The following FRMD5 variants were observed in gnomAD, a reference collection of about 807,000 sequenced individuals.
FRMD5 encodes FERM domain containing 5.
Under a neutral mutation model 69.0 loss-of-function variants are expected in FRMD5, and 20 were observed. The observed-to-expected ratio is 0.29, with a 90% CI of 0.20 to 0.42. The LOEUF (loss-of-function observed/expected upper bound fraction) is 0.42. FRMD5 is among the 10% of genes least tolerant of loss of function. The pLI is 1.00. For synonymous variants in FRMD5, 271 were observed against 260.1 expected, an observed-to-expected ratio of 1.04 and a Z score of -0.40; for missense variants, 595 against 708.6, an observed-to-expected ratio of 0.84 and a Z score of 1.82.
At chr15:44,098,095 A>G (rs2076579479) in intron 1 of FRMD5, among the ~76,000 whole-genome samples, 1 of 144,446 alleles carries the variant, frequency 6.9e-6, no homozygotes. Context: ...CCATGCTCCC[A>G]AAAGTTCAGA....
intron 1 of FRMD5, among the ~76,000 whole-genome samples, chr15:43,984,982 G>GAA (rs10719107): frequency 7.1e-6 from 1 of 141,546 alleles, no homozygotes; most frequent in Non-Finnish European, 1.5e-5. Flanking sequence ...ACTCTGTCTA[G>GAA]AAAAAAAAAA....
chr15:44,103,590 C>G (rs2076672090), intron 1 of FRMD5, among the ~76,000 whole-genome samples: 2 of 152,194 alleles, frequency 1.3e-5, no homozygotes, highest in East Asian at 3.9e-4. Context: ...GGTTTTGGTA[C>G]ATACATAAGG....
chr15:43,918,508 C>A (rs1247832219), intron 4 of FRMD5, among the ~76,000 whole-genome samples: 1 of 152,170 alleles, frequency 6.6e-6, no homozygotes, highest in Non-Finnish European at 1.5e-5. Flanking sequence ...AGTTAAGGAT[C>A]TAGGAGTGGA....
intron 1 of FRMD5, among the ~76,000 whole-genome samples, chr15:44,187,865 G>A (rs2078128613): frequency 6.6e-6 from 1 of 151,990 alleles, no homozygotes; most frequent in African/African-American, 2.4e-5. Context: ...CACAGTGCCT[G>A]GCCCTGCTTT....
intron 1 of FRMD5, among the ~76,000 whole-genome samples, chr15:43,968,177 A>G (rs2090324151): frequency 6.6e-6 from 1 of 152,294 alleles, no homozygotes; most frequent in Non-Finnish European, 1.5e-5. Flanking sequence ...ATAAACTCAC[A>G]ACTAATCTTA....
At position 43,985,280 on chromosome 15, in the gene FRMD5, CAAAAA is replaced by C. The variant is rs34455065; in HGVS notation, c.103-60976_103-60972del. On this transcript the variant is annotated intron_variant, in intron 1 of 13. Transcript: ENST00000417257. ...TGGGCAACAGAGCGAGACTCCGTCT[CAAAAA>C]AAAAAAAAAAAAAAAAAAAGATTGG... Among the ~76,000 whole-genome samples, 10 of 77,258 alleles carry C rather than the reference CAAAAA, an allele frequency of 1.3e-4. No homozygotes were observed. In the Admixed American group the frequency reaches 1.3e-3, roughly 10 times the overall value. The allele number at this position is 77,258 out of a possible 152,430, so 50.7% of individuals were successfully genotyped here. A position where few individuals can be genotyped will look rare whatever the true frequency, so the allele number is the denominator to read the frequency against.
intron 1 of FRMD5, among the ~76,000 whole-genome samples, chr15:43,926,728 A>G (rs904504683): frequency 2.0e-5 from 3 of 151,756 alleles, no homozygotes; most frequent in Non-Finnish European, 4.4e-5. Flanking sequence ...GACAGGAATA[A>G]TACAGGGTGG....
At chr15:44,000,602 G>T (rs1178242121) in intron 1 of FRMD5, among the ~76,000 whole-genome samples, 1 of 151,952 alleles carries the variant, frequency 6.6e-6, no homozygotes, top group Non-Finnish European at 1.5e-5. Flanking sequence ...TGGGATTATA[G>T]GCAAGTGCCA....
chr15:44,017,105 G>A (rs1890997258), intron 1 of FRMD5, among the ~76,000 whole-genome samples: 1 of 152,030 alleles, frequency 6.6e-6, no homozygotes, highest in Admixed American at 6.5e-5. Flanking sequence ...TTGGGAGGCT[G>A]AGGCAGGCAG....
chr15:44,015,127 C>T (rs1000271256), intron 1 of FRMD5, among the ~76,000 whole-genome samples: 1 of 151,922 alleles, frequency 6.6e-6, no homozygotes, highest in Non-Finnish European at 1.5e-5. Flanking sequence ...CCCAAGCAAG[C>T]CTTACTGAAA....
intron 1 of FRMD5, among the ~76,000 whole-genome samples, chr15:43,955,553 T>C (rs973483680): frequency 6.6e-6 from 1 of 152,252 alleles, no homozygotes; most frequent in Admixed American, 6.5e-5. Context: ...TATGGCATTA[T>C]GGAGAAGTTG....
intron 1 of FRMD5, among the ~76,000 whole-genome samples, chr15:44,186,489 A>G (rs1566992479): frequency 6.6e-6 from 1 of 152,226 alleles, no homozygotes; most frequent in Admixed American, 6.5e-5. Flanking sequence ...GGAGTACCAG[A>G]CTATGAGGGT....
intron 13 of FRMD5, 33 bp from the exon 14 acceptor site, chr15:43,874,495 G>A (rs919673204): frequency 6.5e-7 from 1 of 1,539,630 alleles, no homozygotes; most frequent in African/African-American, 1.4e-5. Context: ...AGTAGGCTGT[G>A]TCCCAATGCA....
rs148534570 is a variant in FRMD5, at chr15:44,157,881, T to A, written c.102+37072A>T. 3.9e-3 allele frequency among the ~76,000 whole-genome samples: 601 copies of A among 152,310 alleles called. 5 individuals are homozygous for A. Among genetic ancestry groups the A allele is most frequent in the African/African-American group, 0.014 (563 of 41,582 alleles). On this transcript the variant is annotated intron_variant, in intron 1 of 13. Transcript: ENST00000417257. The stretch of plus-strand genomic sequence containing the variant: ...GAAACTTCAAGGACCCTTCAAATTA[T>A]GTTCAAGTCATATGCCTGATGAGAC...
At chr15:44,016,947 T>A (rs975880633) in intron 1 of FRMD5, among the ~76,000 whole-genome samples, 7 of 152,090 alleles carry the variant, frequency 4.6e-5, no homozygotes, top group African/African-American at 1.7e-4. Flanking sequence ...ACTGGGCTAA[T>A]TTTTTGTAGA....
At chr15:44,045,040 A>G (rs1407991312) in intron 1 of FRMD5, among the ~76,000 whole-genome samples, 1 of 152,216 alleles carries the variant, frequency 6.6e-6, no homozygotes, top group East Asian at 1.9e-4. Flanking sequence ...TAAAACTGTG[A>G]CACATAACTC....
chr15:43,936,093 C>T (rs972497587), intron 1 of FRMD5, among the ~76,000 whole-genome samples: 8 of 152,216 alleles, frequency 5.3e-5, no homozygotes, highest in African/African-American at 1.4e-4. Flanking sequence ...ACTCTCCTCT[C>T]CATTACTGGG....
intron 1 of FRMD5, among the ~76,000 whole-genome samples, chr15:44,086,438 A>C (rs1287102899): frequency 1.3e-5 from 2 of 152,224 alleles, no homozygotes; most frequent in Admixed American, 6.5e-5. Context: ...AAAATGTAGT[A>C]TGTTAAGTGA....
intron 1 of FRMD5, among the ~76,000 whole-genome samples, chr15:44,135,196 AT>A (rs1277115240): frequency 6.6e-6 from 1 of 152,202 alleles, no homozygotes; most frequent in African/African-American, 2.4e-5. Flanking sequence ...ACCCTCAATA[AT>A]TTTTTACAAC....
Sources: allele counts gnomAD v4.1 joint callset (sites outside exome capture counted in the v4.1 genomes callset), GRCh38; gene constraint gnomAD v4.1.1; transcripts MANE v1.5; gene names NCBI Gene and HGNC (gene_info 2026-07-23, HGNC 2026-07-21).